Variants in TMEM263 observed in about 807,000 individuals in gnomAD.
TMEM263 encodes the protein transmembrane protein 263, also known as UPF0444 transmembrane protein C12orf23.
A neutral mutation model predicts 8.6 loss-of-function variants in TMEM263; 5 were observed. The ratio of observed to expected loss-of-function variants is 0.58; its 90% CI spans 0.31 to 1.23. TMEM263 has a LOEUF of 1.23. TMEM263 is among the 50% of genes most tolerant of loss of function. The pLI is 0.07. For missense variants in TMEM263, 104 were observed against 138.8 expected, an observed-to-expected ratio of 0.75 and a Z score of 1.26; for synonymous variants, 50 against 47.9, an observed-to-expected ratio of 1.04 and a Z score of -0.18.
At chr12:106,970,391 CA>C (rs58294931) in intron 3 of TMEM263, among the ~76,000 whole-genome samples, 29,642 of 151,668 alleles carry the variant, frequency 0.2, 5,207 homozygotes, top group African/African-American at 0.46. Flanking sequence ...TCTTTCAAAA[CA>C]AAAAAAATTG....
At chr12:106,968,145 G>A (rs1244183442) in intron 3 of TMEM263, among the ~76,000 whole-genome samples, 1 of 152,096 alleles carries the variant, frequency 6.6e-6, no homozygotes, top group Non-Finnish European at 1.5e-5. Context: ...TACTAGGGCT[G>A]GAGGTTGTGA....
intron 2 of TMEM263, among the ~76,000 whole-genome samples, chr12:106,966,618 CA>C (rs2136771030): frequency 6.6e-6 from 1 of 152,334 alleles, no homozygotes; most frequent in Non-Finnish European, 1.5e-5. Context: ...CTTTTTTCTG[CA>C]GCTTTGCCAG....
Position 106,956,001 on chromosome 12 carries a change from TCTC to T in TMEM263, c.-135_-133del, listed in dbSNP as rs1014145476. The T allele has an allele frequency of 1.9e-4, 187 of 986,380 alleles. No homozygotes were observed. The highest frequency in any genetic ancestry group is 2.2e-4 in the Non-Finnish European group (182 of 830,938). 61.1% of individuals were successfully genotyped at this position (986,380 alleles called of 1,614,324 possible). The stretch of plus-strand genomic sequence containing the variant: ...CCGCTGCCGCCCAGGCCGCCTCAGC[TCTC>T]CTCTGCGCCGGCCCGCTCACTCCGC... On this transcript the variant is annotated 5_prime_UTR_variant, in exon 1 of 4. Coordinates refer to ENST00000280756, the MANE Select transcript of TMEM263 (RefSeq NM_152261.4).
intron 1 of TMEM263, chr12:106,956,673 C>T (rs1951697202): frequency 6.6e-6 from 1 of 152,364 alleles, no homozygotes; most frequent in South Asian, 2.1e-4. Context: ...TAAAAACTGC[C>T]TGCTCTGCAC....
At chr12:106,961,931 C>T (rs1446633256) in intron 2 of TMEM263, among the ~76,000 whole-genome samples, 2 of 152,122 alleles carry the variant, frequency 1.3e-5, no homozygotes, top group Admixed American at 6.5e-5. Context: ...TTAACTTCAT[C>T]TGTGGCTAAA....
At chr12:106,957,346 G>A (rs1373329242) in intron 2 of TMEM263, among the ~76,000 whole-genome samples, 197 bp downstream of exon 2, 1 of 152,176 alleles carries the variant, frequency 6.6e-6, no homozygotes, top group African/African-American at 2.4e-5. Flanking sequence ...AGATGTACCA[G>A]AAACCAAGTT....
rs1428648660 is a variant in TMEM263, at chr12:106,973,521, T to G, written c.*2130T>G. 2.0e-5 allele frequency: 3 copies of G among 152,616 alleles called. No homozygotes were observed. Among genetic ancestry groups the G allele is most frequent in the Admixed American group, 2.0e-4 (3 of 15,286 alleles). 9.5% of individuals were successfully genotyped at this position (152,616 alleles called of 1,614,324 possible). A position where few individuals can be genotyped will look rare whatever the true frequency, so the allele number is the denominator to read the frequency against. ...CAGAAAAGCCACCTGGTACGTTTTG[T>G]CTCATCAGGATTGTTTTAAATTCTA... On this transcript the variant is annotated 3_prime_UTR_variant, in exon 4 of 4. Coordinates refer to ENST00000280756, the MANE Select transcript of TMEM263 (RefSeq NM_152261.4).
Position 106,973,047 on chromosome 12 carries a change from A to G in TMEM263, c.*1656A>G, listed in dbSNP as rs1951946696. ...TGCAGAAGAATATAACATAACTTTT[A>G]AAAGCTTTCATAAATACCAGCAGCA... is the stretch of plus-strand genomic sequence containing the variant. On this transcript the variant is annotated 3_prime_UTR_variant, in exon 4 of 4. Transcript: ENST00000280756. 1 of 152,066 alleles carries G rather than the reference A, an allele frequency of 6.6e-6. No homozygotes were observed. The highest frequency in any genetic ancestry group is 2.4e-5 in the African/African-American group (1 of 41,404). The allele number at this position is 152,066 out of a possible 1,614,324, so 9.4% of individuals were successfully genotyped here.
chr12:106,968,949 C>T (rs1300396289), intron 3 of TMEM263, among the ~76,000 whole-genome samples: 1 of 152,018 alleles, frequency 6.6e-6, no homozygotes, highest in Non-Finnish European at 1.5e-5. Flanking sequence ...TTCAAATGCC[C>T]ATCTATATAT....
chr12:106,967,003 ATGT>A lies in TMEM263; in HGVS notation c.-6-103_-6-101del, dbSNP rs2136771829. On this transcript the variant is annotated intron_variant, in intron 2 of 3. Transcript: ENST00000280756. ...AGACTAGTTGTATAGTGGGTACAAA[ATGT>A]TGTTTATCTGAATAATGTTGATGAA... The A allele has an allele frequency of 4.2e-6, 3 of 709,384 alleles. No homozygotes were observed. The African/African-American group carries it at 5.5e-5, about 13-fold the overall frequency. 43.9% of individuals were successfully genotyped at this position (709,384 alleles called of 1,614,324 possible).
At chr12:106,968,874 AG>A (rs1951879971) in intron 3 of TMEM263, among the ~76,000 whole-genome samples, 1 of 152,204 alleles carries the variant, frequency 6.6e-6, no homozygotes, top group Admixed American at 6.5e-5. Flanking sequence ...TCTTAGGGCT[AG>A]TGACCTCGAT....
intron 2 of TMEM263, among the ~76,000 whole-genome samples, chr12:106,964,653 C>T (rs1951820166): frequency 6.6e-6 from 1 of 152,120 alleles, no homozygotes; most frequent in Non-Finnish European, 1.5e-5. Context: ...GATTAGGTGC[C>T]ATTGATAAAT....
In TMEM263 at chr12:106,971,220, T is replaced by G; in HGVS notation, c.180T>G (p.Ile60Met). 4.3e-6 allele frequency: 7 copies of G among 1,614,168 alleles called. No homozygotes were observed. Among genetic ancestry groups the G allele is most frequent in the Non-Finnish European group, 5.9e-6 (7 of 1,180,036 alleles). ...CCACCATTGGTGGTGTGGCTTGGAT[T>G]GGTGGAAAGAGTCTGGAAGTGACCA... ...VGATIGGVAW[I>M]GGKSLEVTKT... Residue 60 changes from isoleucine (I) to methionine (M), a missense_variant, in exon 4 of 4, where the codon ATT becomes ATG. Physicochemically the swap from Ile to Met is conservative, Grantham distance 10. Coordinates refer to ENST00000280756, the MANE Select transcript of TMEM263 (RefSeq NM_152261.4).
intron 2 of TMEM263, among the ~76,000 whole-genome samples, chr12:106,960,667 T>C (rs577851663): frequency 6.2e-4 from 94 of 152,126 alleles, no homozygotes; most frequent in Non-Finnish European, 1.1e-3. Context: ...AGTCTGAGAA[T>C]ATACCCGGAA....
intron 2 of TMEM263, among the ~76,000 whole-genome samples, chr12:106,965,341 T>C (rs1044023358): frequency 6.6e-6 from 1 of 152,164 alleles, no homozygotes; most frequent in Non-Finnish European, 1.5e-5. Context: ...GCGCAGTGGC[T>C]TATGCCTGTA....
chr12:106,973,757 G>C lies in TMEM263; in HGVS notation c.*2366G>C, dbSNP rs145267099. The stretch of plus-strand genomic sequence containing the variant: ...TTCAAGTCAAGAAACTAAGGTTGTT[G>C]TATACACCTGGAGGCATCTGTTATT... On this transcript the variant is annotated 3_prime_UTR_variant, in exon 4 of 4. Coordinates refer to ENST00000280756, the MANE Select transcript of TMEM263 (RefSeq NM_152261.4). The C allele has an allele frequency of 1.1e-3, 165 of 152,726 alleles. No individual in the cohort carries two copies. Among genetic ancestry groups the C allele is most frequent in the Non-Finnish European group, 2.1e-3 (143 of 68,018 alleles). The allele number at this position is 152,726 out of a possible 1,614,324, so 9.5% of individuals were successfully genotyped here.
At chr12:106,961,502 G>A (rs1951777979) in intron 2 of TMEM263, among the ~76,000 whole-genome samples, 1 of 152,072 alleles carries the variant, frequency 6.6e-6, no homozygotes. Context: ...TCTTGAGGAG[G>A]TGTGGAAGTG....
intron 3 of TMEM263, among the ~76,000 whole-genome samples, chr12:106,969,486 G>A (rs1951889237): frequency 6.6e-6 from 1 of 152,130 alleles, no homozygotes; most frequent in Admixed American, 6.5e-5. Context: ...CAGCACTTTG[G>A]GAGGCCGAGG....
intron 1 of TMEM263, chr12:106,956,877 GTCAC>G (rs1951700496): frequency 6.3e-6 from 1 of 159,330 alleles, no homozygotes. Flanking sequence ...CTCCTGCCAC[GTCAC>G]TCACTGCTAA....
Sources: allele counts gnomAD v4.1 joint callset (sites outside exome capture counted in the v4.1 genomes callset), GRCh38; gene constraint gnomAD v4.1.1; transcripts MANE v1.5; gene names NCBI Gene and HGNC (gene_info 2026-07-23, HGNC 2026-07-21).